The following TLE3 variants were observed in gnomAD, a reference collection of about 807,000 sequenced individuals.
TLE3 encodes the protein transducin-like enhancer protein 3.
TLE3 carries 14 observed loss-of-function variants against 93.0 expected under a neutral mutation model. That is an observed-to-expected ratio of 0.15 (90% CI 0.10 to 0.24). The LOEUF is 0.24. Among genes scored for constraint, TLE3 ranks in the 10% least tolerant of loss-of-function variants. The pLI, the probability that TLE3 is intolerant of heterozygous loss-of-function variation, is 1.00. For missense variants in TLE3, 693 were observed against 1,046.6 expected, an observed-to-expected ratio of 0.66 and a Z score of 4.66; for synonymous variants, 451 against 425.0, an observed-to-expected ratio of 1.06 and a Z score of -0.75.
Position 70,095,585 on chromosome 15 carries a change from T to C in TLE3, c.182A>G (p.Tyr61Cys). Reference sequence around the variant, plus strand: ...CCCGCGGCCGCATCTCACCATCACATAATGGCGCTGCATCTCCGTCTTCTC... The same window carrying C: ...CCCGCGGCCGCATCTCACCATCACACAATGGCGCTGCATCTCCGTCTTCTC... ...ANEKTEMQRH[Y>C]VMYYEMSYGL... The change falls in exon 3 of 20, where the codon TAT (tyrosine) becomes TGT (cysteine). Residue 61 changes from tyrosine (Y) to cysteine (C), a missense_variant. Physicochemically the swap from Tyr to Cys is radical, Grantham distance 194. Transcript: ENST00000451782. 6.4e-7 allele frequency: 1 copy of C among 1,551,294 alleles called. No homozygotes were observed.
Position 70,096,844 on chromosome 15 carries a change from C to A in TLE3, c.-46G>T, listed in dbSNP as rs1237881746. 2 of 1,555,300 alleles carry A rather than the reference C, an allele frequency of 1.3e-6. No homozygotes were observed. Among genetic ancestry groups the A allele is most frequent in the Non-Finnish European group, 8.8e-7 (1 of 1,133,076 alleles). On this transcript the variant is annotated 5_prime_UTR_variant, in exon 1 of 20. Coordinates refer to ENST00000451782, the MANE Select transcript of TLE3 (RefSeq NM_001105192.3). ...CCGAGAGCGTGGAAGCGCCGAGAGCCCGGGCCGGGGAGGTGCGGGGGAGGG... is the reference window on the plus strand; with the variant it reads ...CCGAGAGCGTGGAAGCGCCGAGAGCACGGGCCGGGGAGGTGCGGGGGAGGG...
At chr15:70,064,275 C>T (rs1337925423) in intron 8 of TLE3, among the ~76,000 whole-genome samples, 179 bp downstream of exon 8, 2 of 152,202 alleles carry the variant, frequency 1.3e-5, no homozygotes, top group Non-Finnish European at 2.9e-5. Flanking sequence ...GCTCCCAGCT[C>T]AGCAAGAGTA....
rs1367182063 is a variant in TLE3 at position 70,096,281 on chromosome 15, G to C, written c.25-20C>G. ...GGGAGCCTGGAGCCCGCGAAGACAA[G>C]ACAGGGGAGGGGGCGGGGGCATGAG... On this transcript the variant is annotated intron_variant, in intron 1 of 19. Transcript: ENST00000451782. 5 of 1,550,508 alleles carry C rather than the reference G, an allele frequency of 3.2e-6. No homozygotes were observed. The South Asian group carries it at 3.6e-5, about 11-fold the overall frequency.
chr15:70,057,492 G>GGCAGCGGCTGCA lies in TLE3; in HGVS notation c.1206_1217dup (p.Ala403_Ala406dup), dbSNP rs1230864099. 1.8e-5 allele frequency: 29 copies of GGCAGCGGCTGCA among 1,608,306 alleles called. No individual in the cohort carries two copies. In the Admixed American group the frequency reaches 1.9e-4, roughly 10 times the overall value. On this transcript the variant is annotated inframe_insertion, in exon 13 of 20. Coordinates refer to ENST00000451782, the MANE Select transcript of TLE3 (RefSeq NM_001105192.3). ...AGCTCACCATTGGCGATCGGCCATA[G>GGCAGCGGCTGCA]GCAGCGGCTGCAGCAGCGGCGGCGG...
rs781133639 is a variant in TLE3, at chr15:70,055,095, A to C, written c.1532T>G (p.Ile511Ser). The C allele has an allele frequency of 5.6e-6, 9 of 1,614,018 alleles. No homozygotes were observed. Among genetic ancestry groups the C allele is most frequent in the Non-Finnish European group, 7.6e-6 (9 of 1,179,940 alleles). ...GGKGCVKIWD[I>S]SQPGSKSPIS... ...GGGGCTCTTGCTGCCTGGCTGGCTG[A>C]TGTCCCAGATCTTCACGCAGCCCTT... The change falls in exon 15 of 20, where the codon ATC (isoleucine) becomes AGC (serine). Residue 511 changes from isoleucine to serine, a missense_variant. Ile to Ser is a moderately radical substitution (Grantham distance 142, BLOSUM62 -2). Coordinates refer to ENST00000451782, the MANE Select transcript of TLE3 (RefSeq NM_001105192.3).
intron 7 of TLE3, among the ~76,000 whole-genome samples, chr15:70,065,796 G>T (rs1260084230): frequency 1.3e-5 from 2 of 152,228 alleles, no homozygotes; most frequent in Non-Finnish European, 2.9e-5. Flanking sequence ...AGGGTCTTCA[G>T]GACAGAGAAT....
intron 9 of TLE3, 120 bp downstream of exon 9, chr15:70,060,410 C>T (rs954977838): frequency 2.9e-5 from 40 of 1,366,386 alleles, no homozygotes; most frequent in Admixed American, 8.5e-5. Context: ...CTATCGCCAA[C>T]CTGTGCTTCT....
At position 70,060,772 on chromosome 15, in the gene TLE3, T is replaced by C. The variant is rs767993380; in HGVS notation, c.595-123A>G. ...GGAGGGAAGAGAAGCTGAACTCCTC[T>C]CTGCCCTGCAGATCGTGGCTCCATC... On this transcript the variant is annotated intron_variant, in intron 8 of 19. Transcript: ENST00000451782. The C allele has an allele frequency of 4.6e-6, 7 of 1,515,472 alleles. No individual in the cohort carries two copies. The South Asian group carries it at 4.6e-5, about 10-fold the overall frequency. 93.9% of individuals were successfully genotyped at this position (1,515,472 alleles called of 1,614,324 possible). A position where few individuals can be genotyped will look rare whatever the true frequency, so the allele number is the denominator to read the frequency against.
chr15:70,050,002 T>C lies in TLE3; in HGVS notation c.*95A>G, dbSNP rs71393476. On this transcript the variant is annotated 3_prime_UTR_variant, in exon 20 of 20. Coordinates refer to ENST00000451782, the MANE Select transcript of TLE3 (RefSeq NM_001105192.3). ...TGAACGCTCGGCTGCCTGCGGCCCA[T>C]CCTCCGCCATCCTCGGGGCCCCTCG... is the stretch of plus-strand genomic sequence containing the variant. 37,121 of 1,035,612 alleles carry C rather than the reference T, an allele frequency of 0.036. 838 individuals are homozygous for C. Among genetic ancestry groups the C allele is most frequent in the Non-Finnish European group, 0.043 (29,002 of 671,446 alleles). 64.2% of individuals were successfully genotyped at this position (1,035,612 alleles called of 1,614,324 possible). A position where few individuals can be genotyped will look rare whatever the true frequency, so the allele number is the denominator to read the frequency against.
chr15:70,072,596 G>A (rs77839646), intron 6 of TLE3, among the ~76,000 whole-genome samples: 374 of 152,326 alleles, frequency 2.5e-3, no homozygotes, highest in African/African-American at 8.7e-3. Context: ...GAAGAGCCCT[G>A]GGCTGCGAGT....
In TLE3 at chr15:70,079,308, G is replaced by A. The variant is rs150412218; in HGVS notation, c.235-3150C>T. On this transcript the variant is annotated intron_variant, in intron 4 of 19. Transcript: ENST00000451782. ...CTGAGGCCCATGTTCGACGAAGAGA[G>A]GCCTCTCTGCAAGGCAGGAAGGACT... 1.4e-3 allele frequency: 685 copies of A among 479,384 alleles called. 8 individuals are homozygous for A. Among genetic ancestry groups the A allele is most frequent in the African/African-American group, 0.013 (631 of 47,118 alleles). 29.7% of individuals were successfully genotyped at this position (479,384 alleles called of 1,614,324 possible).
Position 70,058,502 on chromosome 15 carries a change from C to G in TLE3, c.918+161G>C. The G allele has an allele frequency of 7.7e-7, 1 of 1,293,982 alleles. No individual in the cohort carries two copies. The highest frequency in any genetic ancestry group is 1.0e-6 in the Non-Finnish European group (1 of 960,666). The allele number at this position is 1,293,982 out of a possible 1,614,324, so 80.2% of individuals were successfully genotyped here. On this transcript the variant is annotated intron_variant, in intron 11 of 19. Transcript: ENST00000451782. This position sits in a 1 kb window ranked among gnomAD's most constrained non-coding sequence, Gnocchi z 4.1. ...AGACGTAGCAACCGAGGCTCAGAAACGTTAACTCATTAGCACAGGCCCAGC... is the reference window on the plus strand; with the variant it reads ...AGACGTAGCAACCGAGGCTCAGAAAGGTTAACTCATTAGCACAGGCCCAGC...
chr15:70,057,312 A>G (rs1566990325), intron 13 of TLE3, 147 bp downstream of exon 13: 4 of 970,952 alleles, frequency 4.1e-6, no homozygotes, highest in South Asian at 3.5e-5. Context: ...CCAAGTCTCA[A>G]TTGTTTCCGA....
At position 70,050,187 on chromosome 15, in the gene TLE3, A is replaced by T; in HGVS notation, c.2220T>A (p.Ser740=). The change falls in exon 20 of 20, where the codon TCT becomes TCA. Residue 740 remains serine (S), a synonymous_variant. Coordinates refer to ENST00000451782, the MANE Select transcript of TLE3 (RefSeq NM_001105192.3). ...ASIFQSKESS[S]VLSCDISADD... ...CCGCTGAAATGTCACAACTCAAGACAGACGAGGATTCTTTAGACTGGAGGA... is the reference window on the plus strand; with the variant it reads ...CCGCTGAAATGTCACAACTCAAGACTGACGAGGATTCTTTAGACTGGAGGA... 1 of 1,614,036 alleles carries T rather than the reference A, an allele frequency of 6.2e-7. No homozygotes were observed. The highest frequency in any genetic ancestry group is 8.5e-7 in the Non-Finnish European group (1 of 1,179,886).
At chr15:70,086,912 TGAAAA>T (rs1329295529) in intron 4 of TLE3, among the ~76,000 whole-genome samples, 5 of 152,120 alleles carry the variant, frequency 3.3e-5, no homozygotes, top group African/African-American at 7.2e-5. Context: ...TAGTGTTAGA[TGAAAA>T]GAAAAAGATG....
intron 3 of TLE3, among the ~76,000 whole-genome samples, chr15:70,095,050 C>G (rs541994771): frequency 6.6e-6 from 1 of 152,200 alleles, no homozygotes; most frequent in Non-Finnish European, 1.5e-5. Context: ...AGATACCCAG[C>G]TGGGGGATCC....
chr15:70,088,623 C>T (rs1481969570), intron 4 of TLE3, among the ~76,000 whole-genome samples: 2 of 152,064 alleles, frequency 1.3e-5, no homozygotes, highest in Admixed American at 1.3e-4. Flanking sequence ...TCTAGCACTA[C>T]TTCAAGTGCT....
In TLE3 at chr15:70,072,153, C is replaced by T. The variant is rs565462854; in HGVS notation, c.372+2380G>A. ...GAAAATGGGGGTCACAGGCCCCACT[C>T]GTTGGCTTTAATTGAATTCCAATGT... is the stretch of plus-strand genomic sequence containing the variant. On this transcript the variant is annotated intron_variant, in intron 6 of 19. Coordinates refer to ENST00000451782, the MANE Select transcript of TLE3 (RefSeq NM_001105192.3). 1.2e-3 allele frequency among the ~76,000 whole-genome samples: 183 copies of T among 152,324 alleles called. 1 individual carries two copies. Among genetic ancestry groups the T allele is most frequent in the Non-Finnish European group, 1.8e-3 (120 of 68,028 alleles).
At chr15:70,059,160 T>C (rs1334252155) in intron 10 of TLE3, among the ~76,000 whole-genome samples, 1 of 152,088 alleles carries the variant, frequency 6.6e-6, no homozygotes, top group Non-Finnish European at 1.5e-5. Flanking sequence ...GGCCCCTACC[T>C]GGGATCTTTG....
Sources: gnomAD v4.1 joint callset for allele counts (sites outside exome capture counted in the v4.1 genomes callset) on GRCh38, gnomAD v4.1.1 for gene constraint, Gnocchi (gnomAD v3.1) non-coding constraint, MANE v1.5 for transcripts, NCBI Gene and HGNC (gene_info 2026-07-23, HGNC 2026-07-21) for gene names.